Variants in DNAH14 observed in about 807,000 individuals in gnomAD.
DNAH14 encodes dynein axonemal heavy chain 14.
A neutral mutation model predicts 520.9 loss-of-function variants in DNAH14; 478 were observed. The ratio of observed to expected loss-of-function variants is 0.92; its 90% CI spans 0.85 to 0.99. The LOEUF (loss-of-function observed/expected upper bound fraction) is 0.99. DNAH14 is among the 50% of genes least tolerant of loss of function. DNAH14 has a pLI of 0.00. For missense variants in DNAH14, 4,831 were observed against 5,234.5 expected, an observed-to-expected ratio of 0.92 and a Z score of 2.38; for synonymous variants, 1,581 against 1,757.2, an observed-to-expected ratio of 0.90 and a Z score of 2.51.
intron 3 of DNAH14, among the ~76,000 whole-genome samples, chr1:224,957,582 G>C (rs2060593416): frequency 6.6e-6 from 1 of 152,130 alleles, no homozygotes; most frequent in Non-Finnish European, 1.5e-5. Context: ...ATTGGTCAGA[G>C]TTAAGCTGAA....
Position 225,043,881 on chromosome 1 carries a change from G to T in DNAH14, c.1815-5G>T, listed in dbSNP as rs1483723476. The stretch of plus-strand genomic sequence containing the variant: ...GAAATATGCTTTTATTGTTTTCTCT[G>T]TTAGATTTCCAGAATTTCCTACAAA... On this transcript the variant is annotated splice_polypyrimidine_tract_variant and splice_region_variant and intron_variant, in intron 14 of 85. Transcript: ENST00000682510. 2.0e-6 allele frequency: 3 copies of T among 1,514,650 alleles called. No individual in the cohort carries two copies. In the South Asian group the frequency reaches 3.7e-5, roughly 19 times the overall value. 93.8% of individuals were successfully genotyped at this position (1,514,650 alleles called of 1,614,324 possible).
chr1:225,168,010 G>A lies in DNAH14; in HGVS notation c.5517G>A (p.Gln1839=). Residue 1839 remains glutamine, a synonymous_variant, in exon 36 of 86, where the codon CAG becomes CAA. Transcript: ENST00000682510. ...CATCTCAGAAAGAGAAGATTATACA[G>A]TTTTATAATCAACTTCAGGTAAGTA... ...NWSSQKEKII[Q]FYNQLQVCVG... 6.5e-7 allele frequency: 1 copy of A among 1,530,756 alleles called. No individual in the cohort carries two copies. Among genetic ancestry groups the A allele is most frequent in the South Asian group, 1.2e-5 (1 of 80,730 alleles). 94.8% of individuals were successfully genotyped at this position (1,530,756 alleles called of 1,614,324 possible). A position where few individuals can be genotyped will look rare whatever the true frequency, so the allele number is the denominator to read the frequency against.
chr1:225,163,942 G>A (rs1847906), intron 35 of DNAH14, among the ~76,000 whole-genome samples: 1 of 151,940 alleles, frequency 6.6e-6, no homozygotes, highest in East Asian at 1.9e-4. Flanking sequence ...CATGTATCAG[G>A]GTTTCCTATA....
chr1:225,251,422 C>T (rs1212051572), intron 43 of DNAH14, among the ~76,000 whole-genome samples: 1 of 152,136 alleles, frequency 6.6e-6, no homozygotes, highest in East Asian at 1.9e-4. Context: ...GATCTGCCCA[C>T]CTTGGCCTCC....
At chr1:225,366,894 G>C (rs367558503) in intron 76 of DNAH14, among the ~76,000 whole-genome samples, 9 of 151,900 alleles carry the variant, frequency 5.9e-5, no homozygotes, top group South Asian at 2.1e-4. Flanking sequence ...TGCTTTGCCA[G>C]CCATTCTGTA....
At chr1:225,006,856 T>C (rs1483608880) in intron 9 of DNAH14, among the ~76,000 whole-genome samples, 3 of 152,184 alleles carry the variant, frequency 2.0e-5, no homozygotes, top group Non-Finnish European at 4.4e-5. Flanking sequence ...AAATTCCTAA[T>C]AAAAACTTGC....
chr1:225,204,451 A>G (rs1400679704), intron 39 of DNAH14, among the ~76,000 whole-genome samples, 178 bp downstream of exon 39: 3 of 152,114 alleles, frequency 2.0e-5, no homozygotes, highest in East Asian at 1.9e-4. Flanking sequence ...TTATATTACA[A>G]TGTATACATA....
At chr1:224,977,393 C>G (rs2125672650) in intron 8 of DNAH14, among the ~76,000 whole-genome samples, 1 of 152,028 alleles carries the variant, frequency 6.6e-6, no homozygotes, top group East Asian at 1.9e-4. Flanking sequence ...TGCTAAATGA[C>G]AAGTTAATGG....
intron 84 of DNAH14, among the ~76,000 whole-genome samples, chr1:225,393,814 G>GTTTTTTT (rs1354333069): frequency 1.4e-5 from 2 of 143,120 alleles, no homozygotes; most frequent in Non-Finnish European, 1.5e-5. Context: ...ATCTTTTTTT[G>GTTTTTTT]TTTTTTTTTT....
At chr1:225,294,992 G>A (rs2093976352) in intron 55 of DNAH14, among the ~76,000 whole-genome samples, 1 of 152,012 alleles carries the variant, frequency 6.6e-6, no homozygotes, top group Non-Finnish European at 1.5e-5. Flanking sequence ...GCTCAATCTT[G>A]ATAGACTATA....
chr1:225,033,653 G>A (rs751524346), intron 11 of DNAH14, among the ~76,000 whole-genome samples: 22 of 152,134 alleles, frequency 1.4e-4, no homozygotes, highest in Non-Finnish European at 2.8e-4. Context: ...CATTGAATCT[G>A]TAAATTGCTT....
Position 225,333,492 on chromosome 1 carries a change from G to A in DNAH14, c.10066G>A (p.Ala3356Thr), listed in dbSNP as rs1049094663. The change falls in exon 66 of 86, where the codon GCA (alanine) becomes ACA (threonine). Residue 3356 changes from alanine (A) to threonine (T), a missense_variant. Physicochemically the swap from Ala to Thr is moderately conservative, Grantham distance 58 (BLOSUM62 0). Transcript: ENST00000682510. ...SSKFSLIKVM[A>T]QKYEISRWHN... Reference sequence around the variant, plus strand: ...CAAATTCTCTTTAATTAAAGTTATGGCACAAAAATATGAGGTAATAACATA... The same window carrying A: ...CAAATTCTCTTTAATTAAAGTTATGACACAAAAATATGAGGTAATAACATA... 3.9e-6 allele frequency: 6 copies of A among 1,550,240 alleles called. No individual in the cohort carries two copies. The highest frequency in any genetic ancestry group is 3.6e-5 in the South Asian group (3 of 83,988).
At chr1:225,367,397 G>A (rs1484260652) in intron 76 of DNAH14, among the ~76,000 whole-genome samples, 1 of 152,154 alleles carries the variant, frequency 6.6e-6, no homozygotes, top group Admixed American at 6.5e-5. Context: ...TGTTTCCCAT[G>A]ATGTGGGACC....
At chr1:225,025,658 G>T (rs1189984198) in intron 11 of DNAH14, among the ~76,000 whole-genome samples, 5 of 151,450 alleles carry the variant, frequency 3.3e-5, no homozygotes, top group African/African-American at 7.3e-5. Flanking sequence ...GGGAGGCTGA[G>T]GTGGGAGGAT....
intron 20 of DNAH14, among the ~76,000 whole-genome samples, chr1:225,085,263 ATATACAGAAGGTG>A (rs2073626711): frequency 6.6e-6 from 1 of 152,186 alleles, no homozygotes; most frequent in African/African-American, 2.4e-5. Flanking sequence ...CCATCTACAC[ATATACAGAAGGTG>A]TATACTCTTT....
chr1:225,116,433 G>C (rs978213049), intron 23 of DNAH14, among the ~76,000 whole-genome samples: 1 of 152,096 alleles, frequency 6.6e-6, no homozygotes, highest in Admixed American at 6.5e-5. Context: ...GATGAAAGAA[G>C]GTAGAGCTTG....
At chr1:224,968,934 C>T in intron 7 of DNAH14, 60 bp downstream of exon 7, 1 of 1,149,638 alleles carries the variant, frequency 8.7e-7, no homozygotes, top group Non-Finnish European at 1.2e-6. Context: ...GGAGCAGTTG[C>T]CTGAGTGACA....
intron 36 of DNAH14, among the ~76,000 whole-genome samples, chr1:225,171,387 A>C (rs2082641252): frequency 6.6e-6 from 1 of 152,174 alleles, no homozygotes; most frequent in African/African-American, 2.4e-5. Context: ...ACTGATAAAG[A>C]AGAAAAGAGA....
At chr1:225,174,403 T>C (rs564093048) in intron 36 of DNAH14, among the ~76,000 whole-genome samples, 1 of 152,310 alleles carries the variant, frequency 6.6e-6, no homozygotes, top group South Asian at 2.1e-4. Flanking sequence ...TAGAGATCTT[T>C]CACCTTCTAG....
Sources: gnomAD v4.1 joint callset for allele counts (sites outside exome capture counted in the v4.1 genomes callset) on GRCh38, gnomAD v4.1.1 for gene constraint, MANE v1.5 for transcripts, NCBI Gene and HGNC (gene_info 2026-07-23, HGNC 2026-07-21) for gene names.